Variants in MUC17 observed in about 807,000 individuals in gnomAD.
MUC17 encodes the protein mucin 17, cell surface associated, also known as mucin-17.
Under a neutral mutation model 170.3 loss-of-function variants are expected in MUC17, and 190 were observed. The ratio of observed to expected loss-of-function variants is 1.12; its 90% CI spans 0.99 to 1.26. MUC17 has a LOEUF of 1.26. MUC17 is among the 50% of genes most tolerant of loss of function. The pLI is 0.00. For missense variants in MUC17, 6,415 were observed against 5,530.0 expected (o/e 1.16, Z -5.08); for synonymous variants, 2,325 against 2,002.5 (o/e 1.16, Z -4.30).
intron 9 of MUC17, among the ~76,000 whole-genome samples, chr7:101,052,734 C>A (rs1055607453): frequency 6.6e-6 from 1 of 152,096 alleles, no homozygotes; most frequent in Non-Finnish European, 1.5e-5. Context: ...GTTGGGCCAA[C>A]CGTCCTAGGT....
Position 101,031,192 on chromosome 7 carries a change from G to A in MUC17, c.155G>A (p.Cys52Tyr). The change falls in exon 2 of 13, where the codon TGC (cysteine) becomes TAC (tyrosine). Residue 52 changes from cysteine to tyrosine, a missense_variant. Cys to Tyr is a radical substitution (Grantham distance 194). Transcript: ENST00000306151. The stretch of plus-strand genomic sequence containing the variant: ...CAAGGGGACGTCTTGAACCGTCAGT[G>A]CCAGCAGCTGTCTCAGCACGTTAGG... The part of the protein sequence containing the change: ...ISQGDVLNRQ[C>Y]QQLSQHVRTG... The A allele has an allele frequency of 6.2e-7, 1 of 1,613,776 alleles. No homozygotes were observed. The highest frequency in any genetic ancestry group is 8.5e-7 in the Non-Finnish European group (1 of 1,179,870).
Position 101,049,311 on chromosome 7 carries a change from C to G in MUC17, c.12664-13C>G. On this transcript the variant is annotated splice_polypyrimidine_tract_variant and intron_variant, in intron 5 of 12. Coordinates refer to ENST00000306151, the MANE Select transcript of MUC17 (RefSeq NM_001040105.2). Reference sequence around the variant, plus strand: ...GTCCCTCTGGGATGACACAGTGGCCCCTTGCCTTTCAGATGAATATTGTGT... The same window carrying G: ...GTCCCTCTGGGATGACACAGTGGCCGCTTGCCTTTCAGATGAATATTGTGT... The G allele has an allele frequency of 6.2e-7, 1 of 1,614,084 alleles. No individual in the cohort carries two copies. The highest frequency in any genetic ancestry group is 8.5e-7 in the Non-Finnish European group (1 of 1,180,024).
chr7:101,054,132 A>G (rs1237096358), intron 11 of MUC17, among the ~76,000 whole-genome samples: 1 of 149,676 alleles, frequency 6.7e-6, no homozygotes, highest in East Asian at 2.0e-4. Flanking sequence ...TGAGGCTTAT[A>G]GAGTGAAGGG....
chr7:101,056,279 G>A lies in MUC17; in HGVS notation c.13440+9G>A, dbSNP rs1795041394. ...TAGACCCTGAAACAAAGGTAAGAAG[G>A]GCCTGGATGGGATGCTGGCCTCCCC... On this transcript the variant is annotated intron_variant, in intron 12 of 12. Coordinates refer to ENST00000306151, the MANE Select transcript of MUC17 (RefSeq NM_001040105.2). The A allele has an allele frequency of 6.2e-7, 1 of 1,613,398 alleles. No homozygotes were observed. The highest frequency in any genetic ancestry group is 2.2e-5 in the East Asian group (1 of 44,862).
At chr7:101,052,242 G>C (rs1307529792) in intron 9 of MUC17, among the ~76,000 whole-genome samples, 2 of 152,174 alleles carry the variant, frequency 1.3e-5, no homozygotes, top group Non-Finnish European at 2.9e-5. Context: ...CCGACTGAGG[G>C]AACAGAGACA....
At position 101,034,347 on chromosome 7, in the gene MUC17, T is replaced by G; in HGVS notation, c.2931T>G (p.Thr977=). The G allele has an allele frequency of 2.5e-6, 4 of 1,608,528 alleles. No homozygotes were observed. The highest frequency in any genetic ancestry group is 3.4e-6 in the Non-Finnish European group (4 of 1,177,636). The change falls in exon 3 of 13, where the codon ACT becomes ACG. Residue 977 remains threonine (T), a synonymous_variant. Transcript: ENST00000306151. ...TAEGTSIPTS[T]PSEGTTPLTS... ...AAGGTACCAGCATACCAACCTCGAC[T>G]CCTAGTGAAGGAACGACTCCATTAA...
rs1343270327 is a variant in MUC17 at position 101,043,691 on chromosome 7, TGACCACCAG to T, written c.12279_12287del (p.Thr4094_Thr4096del). The T allele has an allele frequency of 1.2e-6, 2 of 1,614,052 alleles. No individual in the cohort carries two copies. The highest frequency in any genetic ancestry group is 1.7e-6 in the Non-Finnish European group (2 of 1,180,036). The stretch of plus-strand genomic sequence containing the variant: ...GTGAACCCTGAGGCTGTCACCACCA[TGACCACCAG>T]GACAAAACCCAGCACACGGACCACT... On this transcript the variant is annotated inframe_deletion, in exon 3 of 13. Transcript: ENST00000306151.
intron 11 of MUC17, among the ~76,000 whole-genome samples, chr7:101,053,777 G>T (rs1165503267): frequency 6.6e-6 from 1 of 151,838 alleles, no homozygotes; most frequent in Non-Finnish European, 1.5e-5. Context: ...CTACTCGGGA[G>T]GCTGAGGCAG....
Position 101,042,591 on chromosome 7 carries a change from G to T in MUC17, c.11175G>T (p.Val3725=). ...CTTCTGTTGTCACCAGCACACCTGT[G>T]ACCACTTCTACTGAAGCCATTTCAT... ...STPSVVTSTP[V]TTSTEAISSS... Residue 3725 remains valine, a synonymous_variant, in exon 3 of 13, where the codon GTG becomes GTT. Transcript: ENST00000306151. 1.2e-6 allele frequency: 2 copies of T among 1,614,136 alleles called. No homozygotes were observed. The highest frequency in any genetic ancestry group is 1.7e-6 in the Non-Finnish European group (2 of 1,180,036).
Position 101,039,429 on chromosome 7 carries a change from T to C in MUC17, c.8013T>C (p.Ser2671=), listed in dbSNP as rs1296708553. 1 of 1,612,092 alleles carries C rather than the reference T, an allele frequency of 6.2e-7. No individual in the cohort carries two copies. The highest frequency in any genetic ancestry group is 2.2e-5 in the East Asian group (1 of 44,786). The change falls in exon 3 of 13, where the codon AGT becomes AGC. Residue 2671 remains serine (S), a synonymous_variant. Coordinates refer to ENST00000306151, the MANE Select transcript of MUC17 (RefSeq NM_001040105.2). ...TTGTGACCACTTCCACTGGAACCAGTTCATCTCCTACAACTGCTGAAGGTA... is the reference window on the plus strand; with the variant it reads ...TTGTGACCACTTCCACTGGAACCAGCTCATCTCCTACAACTGCTGAAGGTA... ...RTLVTTSTGT[S]SSPTTAEGSS...
chr7:101,029,046 G>T (rs1313946037), intron 1 of MUC17, among the ~76,000 whole-genome samples: 1 of 152,128 alleles, frequency 6.6e-6, no homozygotes, highest in African/African-American at 2.4e-5. Context: ...GATTAGTTGG[G>T]GTGTGGTGGC....
intron 12 of MUC17, among the ~76,000 whole-genome samples, chr7:101,057,368 G>C (rs1795065315): frequency 1.3e-5 from 2 of 152,204 alleles, no homozygotes. Flanking sequence ...TCTCCAGCAA[G>C]GATAACTGTA....
rs55974941 is a variant in MUC17, at chr7:101,036,621, A to G, written c.5205A>G (p.Glu1735=). The stretch of plus-strand genomic sequence containing the variant: ...CCCGTTCATCTCCTACAACTTCTGA[A>G]GGTACCAGCATGCCAAACTCAACTC... ...TEARSSPTTS[E]GTSMPNSTPS... is the part of the protein sequence containing the mutation. The change falls in exon 3 of 13, where the codon GAA becomes GAG. Residue 1735 remains glutamate, a synonymous_variant. Transcript: ENST00000306151. 0.47 allele frequency: 763,604 copies of G among 1,612,796 alleles called. 186,309 individuals are homozygous for G. Among genetic ancestry groups the G allele is most frequent in the East Asian group, 0.57 (25,681 of 44,784 alleles).
intron 3 of MUC17, among the ~76,000 whole-genome samples, chr7:101,044,467 GACTT>G (rs1482480619): frequency 6.6e-6 from 1 of 152,142 alleles, no homozygotes; most frequent in African/African-American, 2.4e-5. Context: ...CTTTTGCTCT[GACTT>G]ACTTGTTTTC....
At position 101,042,369 on chromosome 7, in the gene MUC17, G is replaced by C. The variant is rs758086530; in HGVS notation, c.10953G>C (p.Glu3651Asp). ...PVSTTSVTISEAGTASTLPVD... is the reference protein window; with the variant it reads ...PVSTTSVTISDAGTASTLPVD... ...GCACCACATCGGTGACCATTTCTGA[G>C]GCTGGCACAGCTTCAACACTTCCTG... Residue 3651 changes from glutamate to aspartate, a missense_variant, in exon 3 of 13, where the codon GAG becomes GAC. Transcript: ENST00000306151. 5.0e-6 allele frequency: 8 copies of C among 1,613,934 alleles called. No individual in the cohort carries two copies. In the African/African-American group the frequency reaches 8.0e-5, roughly 16 times the overall value.
chr7:101,052,198 G>T (rs1303632173), intron 9 of MUC17, among the ~76,000 whole-genome samples: 1 of 152,152 alleles, frequency 6.6e-6, no homozygotes, highest in African/African-American at 2.4e-5. Context: ...GCTAAGGAGG[G>T]CTGAGGAAGG....
In MUC17 at chr7:101,038,902, T is replaced by C; in HGVS notation, c.7486T>C (p.Ser2496Pro). The change falls in exon 3 of 13, where the codon TCT (serine) becomes CCT (proline). Residue 2496 changes from serine (S) to proline (P), a missense_variant. Physicochemically the swap from Ser to Pro is moderately conservative, Grantham distance 74. Transcript: ENST00000306151. The stretch of plus-strand genomic sequence containing the variant: ...GACCACTTCTACTGAAGCCAGTTCA[T>C]CTCCTACAACTGCTGAAGATATCGT... ...PMTTSTEASSSPTTAEDIVVP... is the reference protein window; with the variant it reads ...PMTTSTEASSPPTTAEDIVVP... The C allele has an allele frequency of 1.9e-6, 3 of 1,613,910 alleles. No individual in the cohort carries two copies. The highest frequency in any genetic ancestry group is 2.7e-5 in the African/African-American group (2 of 74,942).
intron 4 of MUC17, 46 bp downstream of exon 4, chr7:101,048,161 G>T: frequency 6.7e-7 from 1 of 1,500,268 alleles, no homozygotes; most frequent in Non-Finnish European, 8.9e-7. Flanking sequence ...CCTGGGACCC[G>T]ACCTCCATAC....
chr7:101,047,802 G>A, intron 3 of MUC17, among the ~76,000 whole-genome samples, 182 bp from the exon 4 acceptor site: 1 of 152,174 alleles, frequency 6.6e-6, no homozygotes, highest in East Asian at 1.9e-4. Flanking sequence ...TTGCACTCCA[G>A]CCTGGGTGAC....
Sources: gnomAD v4.1 joint callset for allele counts (sites outside exome capture counted in the v4.1 genomes callset) on GRCh38, gnomAD v4.1.1 for gene constraint, MANE v1.5 for transcripts, NCBI Gene and HGNC (gene_info 2026-07-23, HGNC 2026-07-21) for gene names.